BAIAP2: variants seen among roughly 807,000 people sequenced by gnomAD.
BAIAP2 encodes BAR/IMD domain-containing adapter protein 2.
BAIAP2 carries 18 observed loss-of-function variants against 63.0 expected under a neutral mutation model. That is an observed-to-expected ratio of 0.29 (90% CI 0.20 to 0.42). The LOEUF (loss-of-function observed/expected upper bound fraction) is 0.42. Ranked by LOEUF, BAIAP2 falls within the 10% of genes least tolerant of loss-of-function variation. The pLI is 1.00. For missense variants in BAIAP2, 610 were observed against 734.3 expected, an observed-to-expected ratio of 0.83 and a Z score of 1.96; for synonymous variants, 386 against 307.6, an observed-to-expected ratio of 1.25 and a Z score of -2.67.
At chr17:81,040,167 C>T (rs1195846412) in intron 1 of BAIAP2, among the ~76,000 whole-genome samples, 1 of 152,242 alleles carries the variant, frequency 6.6e-6, no homozygotes, top group Non-Finnish European at 1.5e-5. Context: ...TCCTTCCTTA[C>T]ATTGAGCCAG....
At position 81,117,260 on chromosome 17, in the gene BAIAP2, A is replaced by G. The variant is rs1047617757; in HGVS notation, c.*1421A>G. 2 of 152,196 alleles carry G rather than the reference A, an allele frequency of 1.3e-5. No homozygotes were observed. Among genetic ancestry groups the G allele is most frequent in the East Asian group, 3.9e-4 (2 of 5,194 alleles). 9.4% of individuals were successfully genotyped at this position (152,196 alleles called of 1,614,324 possible). ...CACAGCCCCTCCTGTCCAGGACTTT[A>G]TCATCGGCAGACCTCAGAAGACAAC... On this transcript the variant is annotated 3_prime_UTR_variant, in exon 14 of 14. Transcript: ENST00000428708.
intron 3 of BAIAP2, among the ~76,000 whole-genome samples, chr17:81,068,371 G>C (rs2051905850): frequency 6.6e-6 from 1 of 152,256 alleles, no homozygotes; most frequent in African/African-American, 2.4e-5. Context: ...AGGAACTGGA[G>C]GTCTGAATGG....
intron 11 of BAIAP2, 141 bp from the exon 12 acceptor site, chr17:81,106,604 G>A (rs1185070795): frequency 5.2e-6 from 5 of 968,022 alleles, no homozygotes; most frequent in Non-Finnish European, 7.7e-6. Context: ...ATGGTCCCCA[G>A]GGCTGCCGCC....
chr17:81,103,806 G>C (rs2058797441), intron 8 of BAIAP2, 83 bp downstream of exon 8: 3 of 1,580,674 alleles, frequency 1.9e-6, no homozygotes, highest in Non-Finnish European at 2.6e-6. Context: ...CCAGGGTGCA[G>C]AGTCCAGGGG....
At chr17:81,089,388 C>T (rs975644611) in intron 6 of BAIAP2, among the ~76,000 whole-genome samples, 40 of 152,308 alleles carry the variant, frequency 2.6e-4, no homozygotes, top group African/African-American at 8.9e-4. Flanking sequence ...CTCGAGGGGC[C>T]TTGGCCCTGC....
intron 3 of BAIAP2, among the ~76,000 whole-genome samples, chr17:81,073,401 A>C (rs556856172): frequency 3.9e-5 from 6 of 152,230 alleles, no homozygotes; most frequent in African/African-American, 1.4e-4. Context: ...CAGGGCCGCC[A>C]GCCTTCTTCC....
intron 6 of BAIAP2, among the ~76,000 whole-genome samples, chr17:81,090,483 C>T (rs1351372092): frequency 2.6e-5 from 4 of 152,216 alleles, no homozygotes; most frequent in African/African-American, 7.2e-5. Flanking sequence ...TCAGGAAGGG[C>T]TAGGTCTCAT....
intron 7 of BAIAP2, among the ~76,000 whole-genome samples, chr17:81,103,027 G>C (rs565540678): frequency 6.6e-6 from 1 of 152,216 alleles, no homozygotes; most frequent in African/African-American, 2.4e-5. Context: ...CGGGCTCTTG[G>C]GCCCAAGGGC....
chr17:81,057,658 G>A, intron 2 of BAIAP2: 3 of 1,347,308 alleles, frequency 2.2e-6, no homozygotes, highest in Non-Finnish European at 2.8e-6. Context: ...GGTACGTTGT[G>A]TTCTTACGAG....
In BAIAP2 at chr17:81,047,617, C is replaced by T. The variant is rs144420522; in HGVS notation, c.55-6051C>T. Among the ~76,000 whole-genome samples the T allele has an allele frequency of 1.9e-4, 25 of 132,622 alleles. No individual in the cohort carries two copies. The South Asian group carries it at 3.8e-3, about 20-fold the overall frequency. 87.0% of individuals were successfully genotyped at this position (132,622 alleles called of 152,430 possible). On this transcript the variant is annotated intron_variant, in intron 1 of 13. Transcript: ENST00000428708. ...CACGGGTCCACGTGTGTCCAGCACACGTGTGAGTGTACACGCACAGGTAAA... is the reference window on the plus strand; with the variant it reads ...CACGGGTCCACGTGTGTCCAGCACATGTGTGAGTGTACACGCACAGGTAAA...
In BAIAP2 at chr17:81,057,969, T is replaced by TGCGGGGGGGGGGGGG; in HGVS notation, c.217+3_217+4insCGGGGGGGGGGGGGG. 4.1e-6 allele frequency: 4 copies of TGCGGGGGGGGGGGGG among 964,852 alleles called. No homozygotes were observed. Among genetic ancestry groups the TGCGGGGGGGGGGGGG allele is most frequent in the Non-Finnish European group, 4.2e-6 (3 of 713,576 alleles). 59.8% of individuals were successfully genotyped at this position (964,852 alleles called of 1,614,324 possible). ...AGAGCCAGGGCTCCAAAGAACTCGGTGAGACCCCCCCCCCCCCCCCGCCTG... is the reference window on the plus strand; with the variant it reads ...AGAGCCAGGGCTCCAAAGAACTCGGTGCGGGGGGGGGGGGGGAGACCCCCCCCCCCCCCCCGCCTG... On this transcript the variant is annotated splice_region_variant and intron_variant, in intron 3 of 13. Transcript: ENST00000428708.
intron 3 of BAIAP2, among the ~76,000 whole-genome samples, chr17:81,082,704 T>C (rs1452169277): frequency 2.0e-5 from 3 of 152,184 alleles, no homozygotes; most frequent in Non-Finnish European, 4.4e-5. Context: ...CGTTCGGCTT[T>C]GGGAACAGGC....
intron 1 of BAIAP2, among the ~76,000 whole-genome samples, chr17:81,047,251 A>G (rs1391331587): frequency 1.3e-5 from 2 of 152,142 alleles, no homozygotes; most frequent in East Asian, 3.8e-4. Context: ...GGTTGAAGCC[A>G]GGACTCTGGG....
In BAIAP2 at chr17:81,106,760, G is replaced by A. The variant is rs200155081; in HGVS notation, c.1353G>A (p.Lys451=). ...DRLHMSLQQG[K]SSSTGNLLDK... The stretch of plus-strand genomic sequence containing the variant: ...GTCCCTACAGCCTGCAGCAAGGGAA[G>A]AGCAGCAGCACGGGCAACCTCCTGG... The change falls in exon 12 of 14, where the codon AAG becomes AAA. Residue 451 remains lysine, a synonymous_variant. Coordinates refer to ENST00000428708, the MANE Select transcript of BAIAP2 (RefSeq NM_001144888.2). 5 of 1,612,662 alleles carry A rather than the reference G, an allele frequency of 3.1e-6. No homozygotes were observed. In the East Asian group the frequency reaches 8.9e-5, roughly 29 times the overall value.
At chr17:81,043,764 G>A (rs572068530) in intron 1 of BAIAP2, among the ~76,000 whole-genome samples, 3 of 152,292 alleles carry the variant, frequency 2.0e-5, no homozygotes, top group East Asian at 3.9e-4. Flanking sequence ...GTCCCCGCCC[G>A]TAAGCTGGAG....
chr17:81,086,726 A>G (rs917747643), intron 6 of BAIAP2, 146 bp downstream of exon 6: 1 of 949,862 alleles, frequency 1.1e-6, no homozygotes, highest in Non-Finnish European at 1.6e-6. Context: ...AGACCTCGGG[A>G]GCGGTGGGCC....
chr17:81,099,764 T>TG (rs2058238956), intron 6 of BAIAP2, among the ~76,000 whole-genome samples, 164 bp from the exon 7 acceptor site: 1 of 152,098 alleles, frequency 6.6e-6, no homozygotes, highest in Non-Finnish European at 1.5e-5. Flanking sequence ...TGAAGCCTCC[T>TG]GGGGGCGTGG....
At chr17:81,051,047 G>A (rs543996731) in intron 1 of BAIAP2, among the ~76,000 whole-genome samples, 6 of 151,838 alleles carry the variant, frequency 4.0e-5, no homozygotes, top group South Asian at 2.1e-4. Flanking sequence ...TCTCCTGGGC[G>A]CCAGACCTAT....
At chr17:81,113,997 C>T (rs2060216974) in intron 13 of BAIAP2, among the ~76,000 whole-genome samples, 2 of 133,100 alleles carry the variant, frequency 1.5e-5, no homozygotes, top group Non-Finnish European at 3.1e-5. Flanking sequence ...CAGGGTCTTA[C>T]TCTGTCACCC....
Sources: gnomAD v4.1 joint callset for allele counts (sites outside exome capture counted in the v4.1 genomes callset) on GRCh38, gnomAD v4.1.1 for gene constraint, MANE v1.5 for transcripts, NCBI Gene and HGNC (gene_info 2026-07-23, HGNC 2026-07-21) for gene names.